TRIM69: variants seen among roughly 807,000 people sequenced by gnomAD.
TRIM69 encodes E3 ubiquitin-protein ligase TRIM69.
A neutral mutation model predicts 37.7 loss-of-function variants in TRIM69; 29 were observed. That is an observed-to-expected ratio of 0.77 (90% CI 0.57 to 1.05). The LOEUF is 1.05. Ranked by LOEUF, TRIM69 falls within the 50% of genes least tolerant of loss-of-function variation. TRIM69 has a pLI of 0.00. For synonymous variants in TRIM69, 209 were observed against 212.4 expected (o/e 0.98, Z 0.14); for missense variants, 596 against 579.9 (o/e 1.03, Z -0.28).
In TRIM69 at chr15:44,755,896, CA is replaced by C. The variant is rs374525540; in HGVS notation, c.484-469del. On this transcript the variant is annotated intron_variant, in intron 2 of 6. Coordinates refer to ENST00000329464, the MANE Select transcript of TRIM69 (RefSeq NM_182985.5). ...GATTTTGAAGGGCAGAAGGAAGAAACAAATGTTCCAAGTGAGAACAACACAA... is the reference window on the plus strand; with the variant it reads ...GATTTTGAAGGGCAGAAGGAAGAAACAATGTTCCAAGTGAGAACAACACAA... 6.2e-3 allele frequency among the ~76,000 whole-genome samples: 937 copies of C among 152,208 alleles called. 8 individuals carry two copies. Among genetic ancestry groups the C allele is most frequent in the African/African-American group, 0.021 (863 of 41,536 alleles).
At chr15:44,738,239 A>T (rs7169341) in intron 1 of TRIM69, among the ~76,000 whole-genome samples, 139,521 of 147,362 alleles carry the variant, frequency 0.95, 66,195 homozygotes, top group Middle Eastern at 0.97. Flanking sequence ...TTGTATTATT[A>T]TTTTTTTTTT....
chr15:44,765,788 A>AAAC (rs2087875323), intron 6 of TRIM69, among the ~76,000 whole-genome samples: 1 of 144,042 alleles, frequency 6.9e-6, no homozygotes, highest in Non-Finnish European at 1.5e-5. Flanking sequence ...AACAAACAAA[A>AAAC]AAAAAACAGA....
At chr15:44,761,967 TTTTA>T (rs1285899001) in intron 6 of TRIM69, among the ~76,000 whole-genome samples, 2 of 152,222 alleles carry the variant, frequency 1.3e-5, no homozygotes, top group Admixed American at 6.5e-5. Context: ...TTCAATTTAT[TTTTA>T]TTTATTTATT....
At chr15:44,760,173 A>C (rs954336930) in intron 6 of TRIM69, among the ~76,000 whole-genome samples, 1 of 152,242 alleles carries the variant, frequency 6.6e-6, no homozygotes, top group Non-Finnish European at 1.5e-5. Flanking sequence ...TAAATCAGCT[A>C]TATGAATCCC....
At chr15:44,757,123 G>T (rs566561944) in intron 3 of TRIM69, 3 of 152,340 alleles carry the variant, frequency 2.0e-5, no homozygotes, top group African/African-American at 7.2e-5. Flanking sequence ...CTCAGGGAAA[G>T]AAGAAGGATA....
intron 6 of TRIM69, among the ~76,000 whole-genome samples, chr15:44,766,865 T>C (rs1240433743): frequency 1.3e-5 from 2 of 151,668 alleles, no homozygotes; most frequent in African/African-American, 4.8e-5. Context: ...AAGGCCAGTC[T>C]GGCCAACATG....
chr15:44,745,973 A>G (rs2087398342), intron 1 of TRIM69, among the ~76,000 whole-genome samples: 1 of 152,134 alleles, frequency 6.6e-6, no homozygotes. Flanking sequence ...TGCTTAAGGA[A>G]ATAATGGTTT....
At chr15:44,739,271 G>C (rs2087227268) in intron 1 of TRIM69, among the ~76,000 whole-genome samples, 2 of 152,242 alleles carry the variant, frequency 1.3e-5, no homozygotes, top group Admixed American at 6.5e-5. Context: ...AATAGGAACA[G>C]CTCTGGTCTA....
chr15:44,741,748 C>T (rs1343463091), intron 1 of TRIM69, among the ~76,000 whole-genome samples: 1 of 151,984 alleles, frequency 6.6e-6, no homozygotes, highest in Non-Finnish European at 1.5e-5. Context: ...ACACATACAC[C>T]CTCCCAAGAC....
At chr15:44,747,579 G>A (rs1266294387) in intron 1 of TRIM69, among the ~76,000 whole-genome samples, 2 of 152,188 alleles carry the variant, frequency 1.3e-5, no homozygotes, top group Admixed American at 6.5e-5. Flanking sequence ...GTCAACATCT[G>A]TCTGATAGGA....
chr15:44,741,713 C>G (rs1440654204), intron 1 of TRIM69, among the ~76,000 whole-genome samples: 3 of 152,216 alleles, frequency 2.0e-5, no homozygotes, highest in Non-Finnish European at 4.4e-5. Context: ...ACTAGAAAAT[C>G]TAGAAGAAAT....
chr15:44,766,077 G>A (rs973225953), intron 6 of TRIM69, among the ~76,000 whole-genome samples: 1 of 151,850 alleles, frequency 6.6e-6, no homozygotes, highest in Admixed American at 6.6e-5. Flanking sequence ...CTGTGATGAA[G>A]GGCCAATCAA....
rs749343979 is a variant in TRIM69 at position 44,759,748 on chromosome 15, C to T, written c.837C>T (p.Ser279=). Reference sequence around the variant, plus strand: ...GATAAATGATTTATGTGCCCTGCAGCTTGGAGCAAGGAATGAAGGTGCTGG... The same window carrying T: ...GATAAATGATTTATGTGCCCTGCAGTTTGGAGCAAGGAATGAAGGTGCTGG... ...FLKDITTLLH[S]LEQGMKVLAT... is the part of the protein sequence containing the mutation. The change falls in exon 6 of 7, where the codon AGC becomes AGT. Residue 279 remains serine, a splice_region_variant and synonymous_variant. Transcript: ENST00000329464. 5.6e-6 allele frequency: 9 copies of T among 1,614,020 alleles called. No homozygotes were observed. In the East Asian group the frequency reaches 8.9e-5, roughly 16 times the overall value.
chr15:44,759,577 A>C, intron 4 of TRIM69, 63 bp from the exon 5 acceptor site: 2 of 1,582,814 alleles, frequency 1.3e-6, no homozygotes, highest in Non-Finnish European at 1.7e-6. Flanking sequence ...GGCTGGTATC[A>C]CCAAAGAAAT....
chr15:44,759,025 G>A (rs1322349809), intron 4 of TRIM69, among the ~76,000 whole-genome samples, 171 bp downstream of exon 4: 2 of 152,184 alleles, frequency 1.3e-5, no homozygotes, highest in Non-Finnish European at 2.9e-5. Context: ...GGCTGCTTCA[G>A]CTATACGCAC....
intron 1 of TRIM69, among the ~76,000 whole-genome samples, chr15:44,744,140 G>GC: frequency 6.6e-6 from 1 of 151,478 alleles, no homozygotes; most frequent in Non-Finnish European, 1.5e-5. Context: ...AAAATGATGA[G>GC]TTCATGTCCT....
chr15:44,742,068 A>G (rs991506591), intron 1 of TRIM69, among the ~76,000 whole-genome samples: 2 of 152,094 alleles, frequency 1.3e-5, no homozygotes, highest in East Asian at 1.9e-4. Context: ...AAAATCCTCA[A>G]TAAAATACTG....
chr15:44,741,410 GA>G (rs1337690432), intron 1 of TRIM69, among the ~76,000 whole-genome samples: 2 of 151,992 alleles, frequency 1.3e-5, no homozygotes, highest in Admixed American at 1.3e-4. Flanking sequence ...AAAAGAACTA[GA>G]AAAGCAAGAG....
rs55736812 is a variant in TRIM69 at position 44,767,053 on chromosome 15, C to CAAAAAAAAAAAAAAAAAAAAAAA, written c.962-169_962-147dup. 2.9e-4 allele frequency among the ~76,000 whole-genome samples: 7 copies of CAAAAAAAAAAAAAAAAAAAAAAA among 24,316 alleles called. 3 individuals carry two copies. Among genetic ancestry groups the CAAAAAAAAAAAAAAAAAAAAAAA allele is most frequent in the Admixed American group, 1.8e-3 (2 of 1,112 alleles). The allele number at this position is 24,316 out of a possible 152,430, so 16.0% of individuals were successfully genotyped here. A position where few individuals can be genotyped will look rare whatever the true frequency, so the allele number is the denominator to read the frequency against. On this transcript the variant is annotated intron_variant, in intron 6 of 6. Transcript: ENST00000329464. Reference sequence around the variant, plus strand: ...CAGCCCTGGGCAACCTTGTCTGCCTCAAAAAAAAAAAAAAAAAAAAAAAAA... The same window carrying CAAAAAAAAAAAAAAAAAAAAAAA: ...CAGCCCTGGGCAACCTTGTCTGCCTCAAAAAAAAAAAAAAAAAAAAAAAAAAAAAAAAAAAAAAAAAAAAAAAA...
Sources: gnomAD v4.1 joint callset for allele counts (sites outside exome capture counted in the v4.1 genomes callset) on GRCh38, gnomAD v4.1.1 for gene constraint, MANE v1.5 for transcripts, NCBI Gene and HGNC (gene_info 2026-07-23, HGNC 2026-07-21) for gene names.